The following SRCAP variants were observed in gnomAD, a reference collection of about 807,000 sequenced individuals.
SRCAP encodes the protein chromatin remodeling protein SRCAP.
Under a neutral mutation model 263.1 loss-of-function variants are expected in SRCAP, and 46 were observed. The ratio of observed to expected loss-of-function variants is 0.17; its 90% CI spans 0.14 to 0.22. The LOEUF is 0.22. Ranked by LOEUF, SRCAP falls within the 10% of genes least tolerant of loss-of-function variation. The pLI, the probability that SRCAP is intolerant of heterozygous loss-of-function variation, is 1.00. For missense variants in SRCAP, 3,695 were observed against 4,181.9 expected (o/e 0.88, Z 3.21); for synonymous variants, 1,813 against 1,662.1 (o/e 1.09, Z -2.21).
intron 5 of SRCAP, 22 bp downstream of exon 5, chr16:30,707,390 C>A (rs1031392563): frequency 5.0e-6 from 8 of 1,611,088 alleles, no homozygotes; most frequent in African/African-American, 2.7e-5. Context: ...GCTGGGACTT[C>A]CTTCCTTTTC....
At chr16:30,710,550 A>G (rs1327939531) in intron 8 of SRCAP, 1 of 768,576 alleles carries the variant, frequency 1.3e-6, no homozygotes, top group South Asian at 1.4e-5. Context: ...GCACTTTCAC[A>G]GTTCCTTCCC....
At chr16:30,701,765 G>A (rs1385181207) in intron 3 of SRCAP, among the ~76,000 whole-genome samples, 1 of 151,434 alleles carries the variant, frequency 6.6e-6, no homozygotes. Flanking sequence ...GAGTAGCTGG[G>A]ATTATAGGCA....
rs374858506 is a variant in SRCAP at position 30,724,901 on chromosome 16, C to T, written c.5477C>T (p.Ser1826Leu). ...TCCCAGGCATCTTCCCTTGTGGTTT[C>T]GGCATCTGGTGCCGCTCCCTTGCCT... ...PASQASSLVV[S>L]ASGAAPLPVT... Residue 1826 changes from serine (S) to leucine (L), a missense_variant, in exon 25 of 34, where the codon TCG becomes TTG. Around this residue, in one of 12 missense-constraint regions of SRCAP, gnomAD observed 1,347 missense variants for 1,304.4 expected, o/e 1.03. Transcript: ENST00000262518. 173 of 1,614,212 alleles carry T rather than the reference C, an allele frequency of 1.1e-4. No individual in the cohort carries two copies. The highest frequency in any genetic ancestry group is 5.3e-4 in the South Asian group (48 of 91,084).
chr16:30,737,393 G>A lies in SRCAP; in HGVS notation c.7353G>A (p.Pro2451=), dbSNP rs1447586987. The A allele has an allele frequency of 8.1e-6, 13 of 1,611,336 alleles. No individual in the cohort carries two copies. Among genetic ancestry groups the A allele is most frequent in the Admixed American group, 1.7e-5 (1 of 59,642 alleles). ...CTCGACCCACTCCAGCTTCAGCTCC[G>A]GCTGCAATTCCTGCCCTTGTTCCTG... The part of the protein sequence containing the change: ...PRPRPTPASA[P]AAIPALVPVP... The change falls in exon 34 of 34, where the codon CCG becomes CCA. Residue 2451 remains proline (P), a synonymous_variant. Coordinates refer to ENST00000262518, the MANE Select transcript of SRCAP (RefSeq NM_006662.3).
intron 21 of SRCAP, 129 bp from the exon 22 acceptor site, chr16:30,721,993 A>C: frequency 8.6e-7 from 1 of 1,156,154 alleles, no homozygotes; most frequent in South Asian, 1.6e-5. Context: ...TTATTGGGAC[A>C]TGGTAAATTG....
rs753314352 is a variant in SRCAP, at chr16:30,732,451, C to CA, written c.6128-816dup. ...GGGCAACAAGAGCAAAACTCTGTCT[C>CA]AAAAAAAAAAAAAGGAAAAGGAAAA... On this transcript the variant is annotated intron_variant, in intron 27 of 33. Transcript: ENST00000262518. 2.0e-3 allele frequency among the ~76,000 whole-genome samples: 230 copies of CA among 112,814 alleles called. 2 individuals are homozygous for CA. The highest frequency in any genetic ancestry group is 0.013 in the South Asian group (47 of 3,664). The allele number at this position is 112,814 out of a possible 152,430, so 74.0% of individuals were successfully genotyped here.
chr16:30,708,594 G>C (rs1403643452), intron 6 of SRCAP, among the ~76,000 whole-genome samples: 2 of 151,972 alleles, frequency 1.3e-5, no homozygotes, highest in Non-Finnish European at 2.9e-5. Flanking sequence ...GGGTTTTGCT[G>C]TGTTGGCCAG....
intron 27 of SRCAP, 85 bp downstream of exon 27, chr16:30,729,657 A>C: frequency 1.3e-6 from 2 of 1,511,296 alleles, no homozygotes; most frequent in Non-Finnish European, 1.8e-6. Context: ...TGCTGCACTT[A>C]AGTTCTCTTG....
At chr16:30,722,538 C>G in intron 22 of SRCAP, 25 bp from the exon 23 acceptor site, 1 of 1,611,898 alleles carries the variant, frequency 6.2e-7, no homozygotes, top group Non-Finnish European at 8.5e-7. Context: ...GCTTCTCTCT[C>G]TCTTTCTCTC....
rs754639611 is a variant in SRCAP at position 30,739,429 on chromosome 16, C to A, written c.9389C>A (p.Pro3130Gln). The A allele has an allele frequency of 9.3e-6, 15 of 1,614,096 alleles. No individual in the cohort carries two copies. Among genetic ancestry groups the A allele is most frequent in the East Asian group, 2.2e-5 (1 of 44,896 alleles). Residue 3130 changes from proline (P) to glutamine (Q), a missense_variant, in exon 34 of 34, where the codon CCA becomes CAA. Pro to Gln is a moderately conservative substitution (Grantham distance 76, BLOSUM62 -1). Transcript: ENST00000262518. Reference protein sequence around the residue: ...TRLRPGSLVPPLETEKLPRKR... With the variant: ...TRLRPGSLVPQLETEKLPRKR... ...CTGCGTCCAGGGTCTCTAGTCCCCC[C>A]ACTAGAGACTGAGAAGTTGCCTCGC...
At position 30,737,966 on chromosome 16, in the gene SRCAP, G is replaced by T. The variant is rs752515951; in HGVS notation, c.7926G>T (p.Leu2642Phe). 1.5e-5 allele frequency: 25 copies of T among 1,614,012 alleles called. No homozygotes were observed. The highest frequency in any genetic ancestry group is 1.2e-4 in the Admixed American group (7 of 59,998). ...TLTVLPEGEE[L>F]PLCVSESNGL... ...CAGTGCTGCCTGAAGGTGAGGAGTTGCCCCTGTGTGTGAGTGAGAGCAATG... is the reference window on the plus strand; with the variant it reads ...CAGTGCTGCCTGAAGGTGAGGAGTTTCCCCTGTGTGTGAGTGAGAGCAATG... Residue 2642 changes from leucine (L) to phenylalanine (F), a missense_variant, in exon 34 of 34, where the codon TTG becomes TTT. This residue lies in a region of SRCAP where 1,207 missense variants were observed against 1,142.9 expected (regional missense o/e 1.06). Coordinates refer to ENST00000262518, the MANE Select transcript of SRCAP (RefSeq NM_006662.3).
At chr16:30,725,188 T>G in intron 25 of SRCAP, 106 bp downstream of exon 25, 1 of 1,496,664 alleles carries the variant, frequency 6.7e-7, no homozygotes, top group Non-Finnish European at 8.8e-7. Flanking sequence ...ATTACAAAGC[T>G]TAATGTTATG....
intron 3 of SRCAP, among the ~76,000 whole-genome samples, chr16:30,703,236 A>G (rs1297350094): frequency 6.0e-5 from 9 of 151,086 alleles, no homozygotes; most frequent in Admixed American, 6.6e-5. Flanking sequence ...CCAAGCTGGA[A>G]TGCAGTGGCG....
In SRCAP at chr16:30,704,324, T is replaced by G. The variant is rs769315687; in HGVS notation, c.306+9T>G. The G allele has an allele frequency of 6.3e-7, 1 of 1,580,958 alleles. No individual in the cohort carries two copies. The highest frequency in any genetic ancestry group is 1.3e-5 in the African/African-American group (1 of 74,142). ...CAGAACAGGCCAAGCATGTACGTAT[T>G]AGAAAGGCTTATGAAGATTCTTGGG... is the stretch of plus-strand genomic sequence containing the variant. On this transcript the variant is annotated intron_variant, in intron 4 of 33. Transcript: ENST00000262518.
At chr16:30,718,491 T>G (rs2052976063) in intron 18 of SRCAP, among the ~76,000 whole-genome samples, 1 of 147,780 alleles carries the variant, frequency 6.8e-6, no homozygotes, top group African/African-American at 2.6e-5. Context: ...TTTTTTTTTT[T>G]AAGATGGAGT....
In SRCAP at chr16:30,737,555, T is replaced by C. The variant is rs951801139; in HGVS notation, c.7515T>C (p.Cys2505=). 1.5e-5 allele frequency: 24 copies of C among 1,613,572 alleles called. No individual in the cohort carries two copies. The highest frequency in any genetic ancestry group is 1.7e-4 in the Middle Eastern group (1 of 6,060). The change falls in exon 34 of 34, where the codon TGT becomes TGC. Residue 2505 remains cysteine, a synonymous_variant. Transcript: ENST00000262518. The part of the protein sequence containing the change: ...SSPACTPPPA[C]TPPPAHTPPP... ...CTGCCTGCACCCCTCCTCCTGCCTG[T>C]ACCCCTCCACCAGCTCATACACCGC...
chr16:30,713,360 A>T lies in SRCAP; in HGVS notation c.2283A>T (p.Ser761=). 6.2e-7 allele frequency: 1 copy of T among 1,613,960 alleles called. No individual in the cohort carries two copies. The highest frequency in any genetic ancestry group is 8.5e-7 in the Non-Finnish European group (1 of 1,179,978). The part of the protein sequence containing the change: ...IKNFKSQRWQ[S]LLNFNSQRRL... Reference sequence around the variant, plus strand: ...ACTTCAAGTCACAGCGCTGGCAGTCACTCCTCAACTTCAACAGGTGGAGAT... The same window carrying T: ...ACTTCAAGTCACAGCGCTGGCAGTCTCTCCTCAACTTCAACAGGTGGAGAT... The change falls in exon 15 of 34, where the codon TCA becomes TCT. Residue 761 remains serine (S), a synonymous_variant. Coordinates refer to ENST00000262518, the MANE Select transcript of SRCAP (RefSeq NM_006662.3).
chr16:30,707,154 T>C (rs2052836870), intron 4 of SRCAP, 29 bp from the exon 5 acceptor site: 2 of 1,612,046 alleles, frequency 1.2e-6, no homozygotes, highest in African/African-American at 2.7e-5. Context: ...TGTTTAGAAC[T>C]GTTGATTGAT....
chr16:30,719,296 A>G (rs1358113735), intron 18 of SRCAP, among the ~76,000 whole-genome samples: 3 of 151,366 alleles, frequency 2.0e-5, no homozygotes, highest in Non-Finnish European at 4.4e-5. Flanking sequence ...GCTCACTGCA[A>G]GCTCCGCCCC....
Sources: allele counts gnomAD v4.1 joint callset (sites outside exome capture counted in the v4.1 genomes callset), GRCh38; gene constraint gnomAD v4.1.1; regional missense constraint gnomAD v4.1.1; transcripts MANE v1.5; gene names NCBI Gene and HGNC (gene_info 2026-07-23, HGNC 2026-07-21).